The following FTO variants were observed in gnomAD, a reference collection of about 807,000 sequenced individuals.
FTO encodes FTO alpha-ketoglutarate dependent dioxygenase.
FTO carries 47 observed loss-of-function variants against 63.9 expected under a neutral mutation model. That is an observed-to-expected ratio of 0.74 (90% CI 0.58 to 0.94). The LOEUF is 0.94. Among genes scored for constraint, FTO ranks in the 40% least tolerant of loss-of-function variants. The probability of loss-of-function intolerance (pLI) is 0.00; values close to 1 mark genes in which losing one functional copy is unlikely to be tolerated. For missense variants in FTO, 562 were observed against 618.1 expected (o/e 0.91, Z 0.96); for synonymous variants, 207 against 224.4 (o/e 0.92, Z 0.69).
intron 5 of FTO, among the ~76,000 whole-genome samples, chr16:53,874,666 A>G (rs1306190509): frequency 6.6e-6 from 1 of 152,182 alleles, no homozygotes; most frequent in Non-Finnish European, 1.5e-5. Flanking sequence ...AAGGTCTTCC[A>G]GTGGCAGTAC....
At chr16:53,860,881 AACACACACAC>A (rs35826323) in intron 4 of FTO, among the ~76,000 whole-genome samples, 27 of 145,834 alleles carry the variant, frequency 1.9e-4, no homozygotes, top group African/African-American at 5.2e-4. Flanking sequence ...AAATGTTTTT[AACACACACAC>A]ACACACACAC....
chr16:53,859,984 T>C (rs1366383681), intron 4 of FTO, among the ~76,000 whole-genome samples: 3 of 152,216 alleles, frequency 2.0e-5, no homozygotes, highest in Non-Finnish European at 4.4e-5. Flanking sequence ...GATATCTTCA[T>C]TCCCATGTTC....
At chr16:53,975,491 A>G (rs2083415600) in intron 8 of FTO, among the ~76,000 whole-genome samples, 1 of 152,080 alleles carries the variant, frequency 6.6e-6, no homozygotes, top group African/African-American at 2.4e-5. Context: ...ATAGATTTTG[A>G]AAGCATATCT....
rs551808108 is a variant in FTO at position 53,750,245 on chromosome 16, C to CT, written c.45+46026dup. On this transcript the variant is annotated intron_variant, in intron 1 of 8. Transcript: ENST00000471389. ...TTTCTTTTTCTTTTTCTTTTCTTTTCTTTTTTTTTTGAGGCAGAGTCTCAC... is the reference window on the plus strand; with the variant it reads ...TTTCTTTTTCTTTTTCTTTTCTTTTCTTTTTTTTTTTGAGGCAGAGTCTCAC... 8.0e-4 allele frequency among the ~76,000 whole-genome samples: 118 copies of CT among 146,736 alleles called. 1 individual carries two copies. In the South Asian group the frequency reaches 9.1e-3, roughly 11 times the overall value.
chr16:53,896,722 C>T lies in FTO; in HGVS notation c.1239+7771C>T, dbSNP rs536008490. ...GTCTTCAACTGAGGAATCCTTACTTCGAGGCCGGTTGACCGAGTCTTCCTT... is the reference window on the plus strand; with the variant it reads ...GTCTTCAACTGAGGAATCCTTACTTTGAGGCCGGTTGACCGAGTCTTCCTT... On this transcript the variant is annotated intron_variant, in intron 7 of 8. Coordinates refer to ENST00000471389, the MANE Select transcript of FTO (RefSeq NM_001080432.3). 3.3e-5 allele frequency among the ~76,000 whole-genome samples: 5 copies of T among 152,232 alleles called. No individual in the cohort carries two copies. The East Asian group carries it at 7.7e-4, about 24-fold the overall frequency.
chr16:53,820,102 G>A (rs967155995), intron 2 of FTO, among the ~76,000 whole-genome samples: 1 of 149,298 alleles, frequency 6.7e-6, no homozygotes, highest in Non-Finnish European at 1.5e-5. Flanking sequence ...TCTACCTCCC[G>A]GGTTCAGGTG....
chr16:53,723,974 G>A (rs541179808), intron 1 of FTO, among the ~76,000 whole-genome samples: 41 of 152,284 alleles, frequency 2.7e-4, no homozygotes, highest in African/African-American at 8.7e-4. Context: ...AGTTCTTGCC[G>A]AATCATACAT....
At chr16:53,864,830 G>T (rs2080264713) in intron 4 of FTO, among the ~76,000 whole-genome samples, 1 of 152,188 alleles carries the variant, frequency 6.6e-6, no homozygotes, top group South Asian at 2.1e-4. Flanking sequence ...TGGAGTTTTC[G>T]ATAAATTAGA....
intron 3 of FTO, among the ~76,000 whole-genome samples, chr16:53,843,255 A>C (rs139898654): frequency 2.1e-3 from 322 of 152,316 alleles, no homozygotes; most frequent in South Asian, 4.8e-3. Flanking sequence ...TAAAAGTGTA[A>C]TTTCTATAAG....
At chr16:53,983,060 A>G (rs1374700878) in intron 8 of FTO, among the ~76,000 whole-genome samples, 4 of 152,144 alleles carry the variant, frequency 2.6e-5, no homozygotes, top group African/African-American at 9.7e-5. Flanking sequence ...TAAAGTAATT[A>G]CTGCTAGCTA....
At chr16:53,849,896 GC>G (rs1026283640) in intron 4 of FTO, among the ~76,000 whole-genome samples, 2 of 152,082 alleles carry the variant, frequency 1.3e-5, no homozygotes, top group Non-Finnish European at 2.9e-5. Context: ...CCTCAGTTTT[GC>G]CCTGATTTAG....
chr16:53,929,027 G>A (rs913342239), intron 7 of FTO, among the ~76,000 whole-genome samples: 1 of 152,096 alleles, frequency 6.6e-6, no homozygotes, highest in African/African-American at 2.4e-5. Context: ...TATTTTAGTA[G>A]AGACAGGGTT....
At chr16:53,791,535 T>C (rs1249070497) in intron 1 of FTO, among the ~76,000 whole-genome samples, 1 of 152,206 alleles carries the variant, frequency 6.6e-6, no homozygotes, top group African/African-American at 2.4e-5. Flanking sequence ...TTTTACAGCA[T>C]GATGAAATTA....
At chr16:53,754,593 G>A (rs975924330) in intron 1 of FTO, among the ~76,000 whole-genome samples, 1 of 152,128 alleles carries the variant, frequency 6.6e-6, no homozygotes, top group African/African-American at 2.4e-5. Context: ...AGCTGAGATC[G>A]CACCACTGCA....
chr16:53,964,088 T>G (rs542014343), intron 8 of FTO, among the ~76,000 whole-genome samples: 1 of 152,324 alleles, frequency 6.6e-6, no homozygotes, highest in Non-Finnish European at 1.5e-5. Flanking sequence ...ACTTTAAAAC[T>G]GTTTTCCTAA....
chr16:53,986,331 A>C (rs927779272), intron 8 of FTO, among the ~76,000 whole-genome samples: 11 of 152,144 alleles, frequency 7.2e-5, no homozygotes, highest in Non-Finnish European at 5.9e-5. Flanking sequence ...TCCAGAGCAC[A>C]CTGTTTAGGA....
chr16:53,972,067 C>T (rs1275578985), intron 8 of FTO, among the ~76,000 whole-genome samples: 1 of 152,072 alleles, frequency 6.6e-6, no homozygotes, highest in South Asian at 2.1e-4. Flanking sequence ...AGGCACTGAG[C>T]CAGTCATATG....
At chr16:53,883,317 G>A (rs1001360614) in intron 6 of FTO, among the ~76,000 whole-genome samples, 3 of 152,056 alleles carry the variant, frequency 2.0e-5, no homozygotes, top group Admixed American at 6.5e-5. Context: ...ACAGAATATC[G>A]TCATCTAAGT....
chr16:53,962,342 G>A (rs572041053), intron 8 of FTO, among the ~76,000 whole-genome samples: 10 of 152,178 alleles, frequency 6.6e-5, no homozygotes, highest in African/African-American at 2.2e-4. Flanking sequence ...CAATCATAAC[G>A]TTACTTTAAT....
Sources: gnomAD v4.1 joint callset for allele counts (sites outside exome capture counted in the v4.1 genomes callset) on GRCh38, gnomAD v4.1.1 for gene constraint, MANE v1.5 for transcripts, NCBI Gene and HGNC (gene_info 2026-07-23, HGNC 2026-07-21) for gene names.